Variants in ITSN2 observed in about 807,000 individuals in gnomAD.
ITSN2 encodes the protein intersectin 2, also known as intersectin-2.
A neutral mutation model predicts 243.7 loss-of-function variants in ITSN2; 156 were observed. The ratio of observed to expected loss-of-function variants is 0.64; its 90% confidence interval spans 0.56 to 0.73. The LOEUF is 0.73. Ranked by LOEUF, ITSN2 falls within the 30% of genes least tolerant of loss-of-function variation. ITSN2 has a pLI of 0.00. For synonymous variants in ITSN2, 703 were observed against 699.9 expected (o/e 1.00, Z -0.07); for missense variants, 1,801 against 1,996.1 (o/e 0.90, Z 1.86).
At chr2:24,206,982 G>A (rs573279080) in intron 37 of ITSN2, among the ~76,000 whole-genome samples, 3 of 152,226 alleles carry the variant, frequency 2.0e-5, no homozygotes, top group African/African-American at 7.2e-5. Context: ...GCCAGGCAGG[G>A]CAACAATGGG....
At chr2:24,295,866 G>C in intron 13 of ITSN2, 62 bp from the exon 14 acceptor site, 1 of 1,186,158 alleles carries the variant, frequency 8.4e-7, no homozygotes, top group Non-Finnish European at 1.2e-6. Context: ...GTTTCTACAA[G>C]GAGAATAATA....
intron 2 of ITSN2, among the ~76,000 whole-genome samples, chr2:24,319,379 T>C (rs1684289313): frequency 1.3e-5 from 2 of 152,180 alleles, no homozygotes; most frequent in African/African-American, 4.8e-5. Flanking sequence ...TGTAGCCTTC[T>C]TCTGCAAGAA....
intron 14 of ITSN2, 73 bp from the exon 15 acceptor site, chr2:24,293,848 A>T: frequency 2.1e-6 from 1 of 484,204 alleles, no homozygotes; most frequent in South Asian, 4.7e-5. Context: ...GAAAACTTTA[A>T]AACAGGATTT....
intron 20 of ITSN2, among the ~76,000 whole-genome samples, chr2:24,262,159 C>T (rs985789279): frequency 2.0e-5 from 3 of 152,118 alleles, no homozygotes; most frequent in Non-Finnish European, 2.9e-5. Context: ...TGGCTTTTGG[C>T]TATGGGAAAT....
intron 1 of ITSN2, 101 bp from the exon 2 acceptor site, chr2:24,328,216 A>G (rs1333339581): frequency 5.3e-6 from 4 of 754,602 alleles, no homozygotes; most frequent in Non-Finnish European, 9.0e-6. Context: ...TTCAGCTCAC[A>G]CTTCCAACAG....
At chr2:24,300,244 C>A in intron 11 of ITSN2, 73 bp from the exon 12 acceptor site, 1 of 1,437,384 alleles carries the variant, frequency 7.0e-7, no homozygotes, top group Non-Finnish European at 9.5e-7. Flanking sequence ...TTTCTATATA[C>A]TTATGCCTTG....
chr2:24,301,825 C>T, intron 10 of ITSN2, 140 bp downstream of exon 10: 1 of 795,620 alleles, frequency 1.3e-6, no homozygotes, highest in Non-Finnish European at 1.9e-6. Flanking sequence ...GCCTGGCCCA[C>T]ACCTACTTCT....
chr2:24,333,900 T>C (rs1437079179), intron 1 of ITSN2, among the ~76,000 whole-genome samples: 2 of 152,164 alleles, frequency 1.3e-5, no homozygotes, highest in Admixed American at 6.5e-5. Context: ...TTTTTTGTTT[T>C]GTTTTTTGAG....
chr2:24,262,058 T>C (rs1675968425), intron 20 of ITSN2, among the ~76,000 whole-genome samples: 1 of 152,190 alleles, frequency 6.6e-6, no homozygotes, highest in African/African-American at 2.4e-5. Context: ...TGACCTGCCA[T>C]TCTTCCTGGT....
intron 29 of ITSN2, among the ~76,000 whole-genome samples, chr2:24,223,012 A>G (rs1370689673): frequency 2.0e-5 from 3 of 152,194 alleles, no homozygotes; most frequent in Admixed American, 2.0e-4. Flanking sequence ...TTTCTTTTAG[A>G]GAGTCTCCCT....
intron 9 of ITSN2, 99 bp downstream of exon 9, chr2:24,303,700 C>A: frequency 1.2e-6 from 1 of 853,436 alleles, no homozygotes. Context: ...GAGTCACAAA[C>A]TTTTACAGAA....
chr2:24,270,810 T>G, intron 19 of ITSN2, 42 bp from the exon 20 acceptor site: 2 of 1,033,950 alleles, frequency 1.9e-6, no homozygotes, highest in Non-Finnish European at 3.0e-6. Context: ...CTTACATGTA[T>G]ACATCTTTGC....
chr2:24,355,153 C>G (rs1210542156), intron 1 of ITSN2, among the ~76,000 whole-genome samples: 1 of 152,110 alleles, frequency 6.6e-6, no homozygotes, highest in Non-Finnish European at 1.5e-5. Flanking sequence ...CACACTTTAC[C>G]CAAGAGAACT....
At position 24,284,664 on chromosome 2, in the gene ITSN2, A is replaced by G; in HGVS notation, c.1944+99T>C. On this transcript the variant is annotated intron_variant, in intron 17 of 39. Coordinates refer to ENST00000355123, the MANE Select transcript of ITSN2 (RefSeq NM_006277.3). ...AGGCTTATATTGTATATGTTATTTC[A>G]AACAAAGATACTCAGATAAAGGCAA... 5.4e-6 allele frequency: 4 copies of G among 739,410 alleles called. No homozygotes were observed. In the Admixed American group the frequency reaches 8.9e-5, roughly 16 times the overall value. 45.8% of individuals were successfully genotyped at this position (739,410 alleles called of 1,614,324 possible).
At chr2:24,295,431 C>A (rs963030032) in intron 14 of ITSN2, among the ~76,000 whole-genome samples, 1 of 152,270 alleles carries the variant, frequency 6.6e-6, no homozygotes, top group East Asian at 1.9e-4. Flanking sequence ...CTCAGCCTCC[C>A]GAGTTGCTGG....
chr2:24,239,488 T>C (rs2151247396), intron 29 of ITSN2: 1 of 152,216 alleles, frequency 6.6e-6, no homozygotes, highest in African/African-American at 2.4e-5. Flanking sequence ...AAATCAGCTT[T>C]GGTTTTAGAA....
intron 1 of ITSN2, among the ~76,000 whole-genome samples, chr2:24,356,304 C>A (rs992010529): frequency 2.0e-5 from 3 of 147,066 alleles, no homozygotes; most frequent in African/African-American, 7.6e-5. Flanking sequence ...CAAGATGGCA[C>A]CACGGCACTC....
chr2:24,264,160 G>T (rs1290052266), intron 20 of ITSN2, among the ~76,000 whole-genome samples: 1 of 152,132 alleles, frequency 6.6e-6, no homozygotes, highest in Non-Finnish European at 1.5e-5. Context: ...GGAAGGCCGA[G>T]GGGGGCAGAT....
intron 1 of ITSN2, among the ~76,000 whole-genome samples, chr2:24,358,122 G>A (rs1406263095): frequency 6.6e-6 from 1 of 152,088 alleles, no homozygotes; most frequent in African/African-American, 2.4e-5. Context: ...CACCTTATTG[G>A]TCAGTCTCAA....
Sources: allele counts gnomAD v4.1 joint callset (sites outside exome capture counted in the v4.1 genomes callset), GRCh38; gene constraint gnomAD v4.1.1; transcripts MANE v1.5; gene names NCBI Gene and HGNC (gene_info 2026-07-23, HGNC 2026-07-21).